DPYSL5: variants seen among roughly 807,000 people sequenced by gnomAD.
DPYSL5 encodes dihydropyrimidinase like 5.
Under a neutral mutation model 58.4 loss-of-function variants are expected in DPYSL5, and 9 were observed. The observed-to-expected ratio is 0.15, with a 90% CI of 0.09 to 0.27. The LOEUF is 0.27. DPYSL5 is among the 10% of genes least tolerant of loss of function. The probability of loss-of-function intolerance (pLI) is 1.00; values close to 1 mark genes in which losing one functional copy is unlikely to be tolerated. For synonymous variants in DPYSL5, 293 were observed against 301.9 expected (o/e 0.97, Z 0.31); for missense variants, 499 against 770.6 (o/e 0.65, Z 4.17).
intron 2 of DPYSL5, among the ~76,000 whole-genome samples, chr2:26,911,363 A>G (rs72851835): frequency 0.016 from 2,225 of 138,832 alleles, 47 homozygotes; most frequent in African/African-American, 0.052. Context: ...AGTTTAGTGC[A>G]GGCTGCAAAT....
intron 1 of DPYSL5, among the ~76,000 whole-genome samples, chr2:26,863,120 G>T (rs529345960): frequency 6.6e-6 from 1 of 152,264 alleles, no homozygotes; most frequent in Non-Finnish European, 1.5e-5. Context: ...CATATGGGGA[G>T]CCCAGTCCCT....
intron 1 of DPYSL5, among the ~76,000 whole-genome samples, chr2:26,865,883 C>G (rs749434614): frequency 1.3e-5 from 2 of 152,164 alleles, no homozygotes; most frequent in Non-Finnish European, 2.9e-5. Context: ...TGCCCCCCAC[C>G]AGCAATTACA....
intron 2 of DPYSL5, among the ~76,000 whole-genome samples, chr2:26,904,933 T>C (rs1286513234): frequency 6.6e-6 from 1 of 151,978 alleles, no homozygotes; most frequent in Non-Finnish European, 1.5e-5. Context: ...GAGTTTGAGG[T>C]TGCATGAGTA....
rs748412363 is a variant in DPYSL5, at chr2:26,942,048, C to T, written c.1188C>T (p.Pro396=). 24 of 1,614,066 alleles carry T rather than the reference C, an allele frequency of 1.5e-5. No homozygotes were observed. The highest frequency in any genetic ancestry group is 6.7e-5 in the Admixed American group (4 of 60,002). ...ATCCCCGCAAGGGCCGCATTATTCC[C>T]GGAGCCGATGCTGATGTGGTGGTGT... ...NLYPRKGRII[P]GADADVVVWD... is the part of the protein sequence containing the mutation. The change falls in exon 10 of 13, where the codon CCC becomes CCT. Residue 396 remains proline, a synonymous_variant. Transcript: ENST00000288699. The surrounding 1 kb of genome is among the most constrained non-coding windows in gnomAD (Gnocchi z 5.9).
intron 2 of DPYSL5, among the ~76,000 whole-genome samples, chr2:26,915,446 C>T (rs1394301068): frequency 6.6e-6 from 1 of 152,220 alleles, no homozygotes; most frequent in African/African-American, 2.4e-5. Flanking sequence ...GAGCTCCAAA[C>T]CAAACTCAGC....
intron 1 of DPYSL5, among the ~76,000 whole-genome samples, chr2:26,879,659 C>A (rs1346836426): frequency 1.3e-5 from 2 of 152,202 alleles, no homozygotes; most frequent in African/African-American, 4.8e-5. Flanking sequence ...CAGCCCCGGA[C>A]ACATGCAGTC....
At chr2:26,873,169 A>G (rs1043750370) in intron 1 of DPYSL5, among the ~76,000 whole-genome samples, 3 of 152,208 alleles carry the variant, frequency 2.0e-5, no homozygotes, top group South Asian at 2.1e-4. Context: ...TGTTGTTTTT[A>G]AATCAACATT....
chr2:26,946,840 G>A, intron 12 of DPYSL5, 70 bp from the exon 13 acceptor site: 3 of 1,252,188 alleles, frequency 2.4e-6, no homozygotes, highest in South Asian at 1.3e-5. Flanking sequence ...TGAGCCTCCA[G>A]GAGAGGGTGT....
At chr2:26,879,412 G>A (rs571041741) in intron 1 of DPYSL5, among the ~76,000 whole-genome samples, 2 of 149,030 alleles carry the variant, frequency 1.3e-5, no homozygotes, top group South Asian at 2.1e-4. Flanking sequence ...CTTGAGGCCA[G>A]GAGTTTGAGA....
chr2:26,931,118 G>C (rs1180380302), intron 5 of DPYSL5, among the ~76,000 whole-genome samples: 1 of 140,682 alleles, frequency 7.1e-6, no homozygotes, highest in Admixed American at 7.4e-5. Context: ...CAGCCTGGGA[G>C]ACAGAGTGAG....
Position 26,898,715 on chromosome 2 carries a change from C to T in DPYSL5, c.216C>T (p.Thr72=), listed in dbSNP as rs1242370256. Residue 72 remains threonine (T), a synonymous_variant, in exon 2 of 13, where the codon ACC becomes ACT. Coordinates refer to ENST00000288699, the MANE Select transcript of DPYSL5 (RefSeq NM_020134.4). This position sits in a 1 kb window ranked among gnomAD's most constrained non-coding sequence, Gnocchi z 6.1. ...ACACCAGCACCCACTTCCACCAGAC[C>T]TTCATGAATGCCACGTGCGTGGACG... is the stretch of plus-strand genomic sequence containing the variant. ...GIDTSTHFHQ[T]FMNATCVDDF... is the part of the protein sequence containing the mutation. 1 of 1,613,638 alleles carries T rather than the reference C, an allele frequency of 6.2e-7. No individual in the cohort carries two copies. The highest frequency in any genetic ancestry group is 1.3e-5 in the African/African-American group (1 of 74,928).
intron 1 of DPYSL5, among the ~76,000 whole-genome samples, chr2:26,854,150 A>G (rs1172741805): frequency 6.6e-6 from 1 of 151,792 alleles, no homozygotes; most frequent in Non-Finnish European, 1.5e-5. Context: ...ACTATAGCCT[A>G]GCAAAGTTGA....
intron 1 of DPYSL5, among the ~76,000 whole-genome samples, chr2:26,870,544 G>A (rs748192617): frequency 1.2e-4 from 18 of 151,958 alleles, no homozygotes; most frequent in Non-Finnish European, 2.1e-4. Context: ...TTTGATATTA[G>A]GGTTATATTG....
At chr2:26,856,619 G>C (rs768636816) in intron 1 of DPYSL5, among the ~76,000 whole-genome samples, 1 of 151,650 alleles carries the variant, frequency 6.6e-6, no homozygotes, top group Admixed American at 6.6e-5. Flanking sequence ...GTTTCTGTTG[G>C]GTATATATAT....
intron 1 of DPYSL5, among the ~76,000 whole-genome samples, chr2:26,869,551 A>T (rs1348608975): frequency 3.3e-5 from 5 of 152,120 alleles, no homozygotes; most frequent in African/African-American, 1.2e-4. Context: ...TTTCTGCGTC[A>T]TTCTTAGTGT....
In DPYSL5 at chr2:26,933,670, G is replaced by A. The variant is rs1173718263; in HGVS notation, c.790+337G>A. Among the ~76,000 whole-genome samples the A allele has an allele frequency of 1.3e-5, 2 of 152,108 alleles. No homozygotes were observed. The highest frequency in any genetic ancestry group is 2.9e-5 in the Non-Finnish European group (2 of 68,036). On this transcript the variant is annotated intron_variant, in intron 7 of 12. Coordinates refer to ENST00000288699, the MANE Select transcript of DPYSL5 (RefSeq NM_020134.4). This position sits in a 1 kb window ranked among gnomAD's most constrained non-coding sequence, Gnocchi z 4.2. ...CATAGATTTTACTAGCAGTTGCCTT[G>A]GCAACTAACATAAAATGCTGGACCA...
chr2:26,929,549 C>A (rs1380550177), intron 5 of DPYSL5, among the ~76,000 whole-genome samples: 1 of 152,222 alleles, frequency 6.6e-6, no homozygotes, highest in South Asian at 2.1e-4. Flanking sequence ...GGAACAGTTT[C>A]ATCCTGAAAC....
At chr2:26,888,557 C>T (rs1194004274) in intron 1 of DPYSL5, among the ~76,000 whole-genome samples, 2 of 152,064 alleles carry the variant, frequency 1.3e-5, no homozygotes, top group Non-Finnish European at 2.9e-5. Flanking sequence ...CAGGTGTGAG[C>T]GAGCCACCGT....
intron 1 of DPYSL5, among the ~76,000 whole-genome samples, chr2:26,880,757 C>T (rs191129834): frequency 1.7e-4 from 26 of 152,326 alleles, no homozygotes; most frequent in African/African-American, 5.8e-4. Flanking sequence ...GCTCAGAGTC[C>T]GTTCCTGTGG....
Sources: gnomAD v4.1 joint callset for allele counts (sites outside exome capture counted in the v4.1 genomes callset) on GRCh38, gnomAD v4.1.1 for gene constraint, Gnocchi (gnomAD v3.1) non-coding constraint, MANE v1.5 for transcripts, NCBI Gene and HGNC (gene_info 2026-07-23, HGNC 2026-07-21) for gene names.